Variants in RRBP1 observed in about 807,000 individuals in gnomAD.
RRBP1 encodes ribosome binding protein 1.
RRBP1 carries 94 observed loss-of-function variants against 165.2 expected under a neutral mutation model. The ratio of observed to expected loss-of-function variants is 0.57; its 90% CI spans 0.48 to 0.68. RRBP1 has a LOEUF of 0.68. Ranked by LOEUF, RRBP1 falls within the 30% of genes least tolerant of loss-of-function variation. The pLI is 0.00. For synonymous variants in RRBP1, 680 were observed against 714.5 expected (o/e 0.95, Z 0.77); for missense variants, 1,676 against 1,763.0 (o/e 0.95, Z 0.88).
intron 3 of RRBP1, among the ~76,000 whole-genome samples, chr20:17,646,127 G>C (rs897388445): frequency 2.0e-5 from 3 of 152,180 alleles, no homozygotes; most frequent in Admixed American, 6.5e-5. Context: ...CTGGGCTCAG[G>C]GGGGTGGCCT....
At chr20:17,641,625 C>T (rs1296106954) in intron 5 of RRBP1, 172 bp downstream of exon 5, 5 of 782,182 alleles carry the variant, frequency 6.4e-6, no homozygotes, top group Non-Finnish European at 1.1e-5. Context: ...GAGCTGCCGG[C>T]CCTTGGCTCT....
At chr20:17,678,297 C>G (rs947972494) in intron 2 of RRBP1, among the ~76,000 whole-genome samples, 1 of 152,240 alleles carries the variant, frequency 6.6e-6, no homozygotes, top group Non-Finnish European at 1.5e-5. Flanking sequence ...CCATCACTTT[C>G]TACCTAATAT....
chr20:17,634,321 C>A (rs776134156), intron 7 of RRBP1, among the ~76,000 whole-genome samples: 1 of 152,172 alleles, frequency 6.6e-6, no homozygotes, highest in South Asian at 2.1e-4. Flanking sequence ...CCAGGCCAGG[C>A]GGAGCTGGGA....
intron 5 of RRBP1, among the ~76,000 whole-genome samples, chr20:17,639,555 A>T (rs1320130445): frequency 6.6e-6 from 1 of 152,226 alleles, no homozygotes; most frequent in Non-Finnish European, 1.5e-5. Context: ...CTGTCTCACA[A>T]CATTTCCCTC....
chr20:17,646,318 A>G (rs2036461308), intron 3 of RRBP1, among the ~76,000 whole-genome samples: 1 of 152,202 alleles, frequency 6.6e-6, no homozygotes, highest in South Asian at 2.1e-4. Context: ...AAATAAATGA[A>G]TGAAACCACT....
At position 17,659,774 on chromosome 20, in the gene RRBP1, G is replaced by GA; in HGVS notation, c.733_734insT (p.Thr245IlefsTer26). 6.4e-7 allele frequency: 1 copy of GA among 1,550,500 alleles called. No homozygotes were observed. Among genetic ancestry groups the GA allele is most frequent in the Non-Finnish European group, 8.7e-7 (1 of 1,146,942 alleles). On this transcript the variant is annotated frameshift_variant, in exon 3 of 25. Coordinates refer to ENST00000377813, the MANE Select transcript of RRBP1 (RefSeq NM_001365613.2). LOFTEE classifies it high-confidence loss of function. ...TTCTGCCTTTTTGCCTTGGTTTGGGGTTCCCTCTGCCTTTTTCCCTTGGTT... is the reference window on the plus strand; with the variant it reads ...TTCTGCCTTTTTGCCTTGGTTTGGGGATTCCCTCTGCCTTTTTCCCTTGGTT...
chr20:17,625,887 C>T (rs1199592127), intron 11 of RRBP1, among the ~76,000 whole-genome samples: 6 of 152,094 alleles, frequency 3.9e-5, no homozygotes, highest in South Asian at 2.1e-4. Context: ...GAGGTGGAAT[C>T]GTGACCCTGC....
At chr20:17,616,685 T>C in intron 21 of RRBP1, 47 bp downstream of exon 21, 1 of 1,342,674 alleles carries the variant, frequency 7.4e-7, no homozygotes, top group East Asian at 2.3e-5. Flanking sequence ...GGGCCTGCAC[T>C]CTTCTGGGAT....
intron 8 of RRBP1, among the ~76,000 whole-genome samples, chr20:17,632,808 T>C (rs2122317681): frequency 6.6e-6 from 1 of 152,262 alleles, no homozygotes; most frequent in Non-Finnish European, 1.5e-5. Flanking sequence ...GCCTCTGGGC[T>C]GGGAAAACAT....
At chr20:17,629,676 G>A in intron 9 of RRBP1, 147 bp downstream of exon 9, 1 of 842,464 alleles carries the variant, frequency 1.2e-6, no homozygotes, top group South Asian at 1.9e-5. Context: ...CCTGCTCTTT[G>A]ACTTTCTGAG....
chr20:17,628,291 T>C (rs796311709), intron 9 of RRBP1, among the ~76,000 whole-genome samples: 12 of 152,226 alleles, frequency 7.9e-5, no homozygotes, highest in African/African-American at 2.4e-4. Flanking sequence ...AAGCTCTAGT[T>C]AGACAACGCA....
chr20:17,635,494 T>C lies in RRBP1; in HGVS notation c.2456+52A>G, dbSNP rs2036230905. 4 of 1,385,582 alleles carry C rather than the reference T, an allele frequency of 2.9e-6. No individual in the cohort carries two copies. The Admixed American group carries it at 8.0e-5, about 28-fold the overall frequency. 85.8% of individuals were successfully genotyped at this position (1,385,582 alleles called of 1,614,324 possible). ...CCCTGGCCGCAGCCTCGTGAAGCCT[T>C]CCTCGCTCCAGGGCCCTTGGGGAGG... is the stretch of plus-strand genomic sequence containing the variant. On this transcript the variant is annotated intron_variant, in intron 7 of 24. Coordinates refer to ENST00000377813, the MANE Select transcript of RRBP1 (RefSeq NM_001365613.2).
At chr20:17,668,730 A>C (rs1242123189) in intron 2 of RRBP1, among the ~76,000 whole-genome samples, 1 of 152,224 alleles carries the variant, frequency 6.6e-6, no homozygotes, top group Non-Finnish European at 1.5e-5. Flanking sequence ...CTCAGTTCCC[A>C]TTCCCAGTCT....
intron 3 of RRBP1, among the ~76,000 whole-genome samples, chr20:17,645,040 G>A (rs1274741803): frequency 2.0e-5 from 3 of 152,140 alleles, no homozygotes; most frequent in Non-Finnish European, 4.4e-5. Context: ...CCCCCAAAGT[G>A]CCCCCTGCTG....
intron 2 of RRBP1, among the ~76,000 whole-genome samples, chr20:17,661,958 G>A (rs1264407560): frequency 1.3e-5 from 2 of 152,168 alleles, no homozygotes; most frequent in Non-Finnish European, 1.5e-5. Context: ...TCTTGGCATT[G>A]TGTTCTAAGA....
intron 3 of RRBP1, among the ~76,000 whole-genome samples, chr20:17,647,890 A>T (rs150327967): frequency 0.017 from 2,518 of 152,314 alleles, 40 homozygotes; most frequent in Middle Eastern, 0.02. Flanking sequence ...TGCCCAAGCC[A>T]GATCGCAATC....
At chr20:17,641,238 C>T (rs1457816960) in intron 5 of RRBP1, among the ~76,000 whole-genome samples, 1 of 152,216 alleles carries the variant, frequency 6.6e-6, no homozygotes, top group Non-Finnish European at 1.5e-5. Flanking sequence ...AGCACCAACC[C>T]ACCACCGTTT....
Position 17,659,900 on chromosome 20 carries a change from T to A in RRBP1, c.608A>T (p.Glu203Val), listed in dbSNP as rs368832366. The change falls in exon 3 of 25, where the codon GAG becomes GTG. Residue 203 changes from glutamate to valine, a missense_variant. Physicochemically the swap from Glu to Val is moderately radical, Grantham distance 121. Around this residue, in one of 5 missense-constraint regions of RRBP1, gnomAD observed 392 missense variants for 382.5 expected, o/e 1.02. Coordinates refer to ENST00000377813, the MANE Select transcript of RRBP1 (RefSeq NM_001365613.2). ...CTTTTTGCTTTGATTCTGAGTCCCCTCCGCCTTTTTGCCCTGAGTAGTGCC... is the reference window on the plus strand; with the variant it reads ...CTTTTTGCTTTGATTCTGAGTCCCCACCGCCTTTTTGCCCTGAGTAGTGCC... ...ATGTTQGKKAEGTQNQSKKAE... is the reference protein window; with the variant it reads ...ATGTTQGKKAVGTQNQSKKAE... The A allele has an allele frequency of 3.9e-6, 6 of 1,556,858 alleles. No individual in the cohort carries two copies. In the African/African-American group the frequency reaches 8.2e-5, roughly 21 times the overall value.
chr20:17,666,377 A>AATTTTAT (rs2036867501), intron 2 of RRBP1, among the ~76,000 whole-genome samples: 1 of 152,108 alleles, frequency 6.6e-6, no homozygotes, highest in Non-Finnish European at 1.5e-5. Context: ...ATACTTCTAT[A>AATTTTAT]AGATTTTAAT....
Sources: allele counts gnomAD v4.1 joint callset (sites outside exome capture counted in the v4.1 genomes callset), GRCh38; gene constraint gnomAD v4.1.1; regional missense constraint gnomAD v4.1.1; transcripts MANE v1.5; gene names NCBI Gene and HGNC (gene_info 2026-07-23, HGNC 2026-07-21).